EPHA6: variants seen among roughly 807,000 people sequenced by gnomAD.
EPHA6 encodes the protein ephrin type-A receptor 6.
In EPHA6, 50 loss-of-function variants were observed where a neutral mutation model predicts 112.0. The ratio of observed to expected loss-of-function variants is 0.45; its 90% CI spans 0.36 to 0.56. The LOEUF is 0.56. Among genes scored for constraint, EPHA6 ranks in the 20% least tolerant of loss-of-function variants. The pLI is 0.00. For missense variants in EPHA6, 1,280 were observed against 1,417.4 expected (o/e 0.90, Z 1.56); for synonymous variants, 529 against 490.7 (o/e 1.08, Z -1.03).
chr3:97,505,715 T>A (rs2092233128), intron 10 of EPHA6, among the ~76,000 whole-genome samples: 1 of 152,194 alleles, frequency 6.6e-6, no homozygotes. Context: ...GTAATGGGAT[T>A]GCTGGGTCAA....
chr3:97,707,706 A>G (rs1395603561), intron 14 of EPHA6, among the ~76,000 whole-genome samples: 1 of 152,102 alleles, frequency 6.6e-6, no homozygotes, highest in East Asian at 1.9e-4. Context: ...ATCCACCTCC[A>G]ATTGTTATCC....
In EPHA6 at chr3:97,179,411, A is replaced by T. The variant is rs547081231; in HGVS notation, c.1115-46853A>T. 1.3e-4 allele frequency among the ~76,000 whole-genome samples: 20 copies of T among 152,162 alleles called. No homozygotes were observed. In the South Asian group the frequency reaches 2.3e-3, roughly 17 times the overall value. On this transcript the variant is annotated intron_variant, in intron 3 of 17. Coordinates refer to ENST00000389672, the MANE Select transcript of EPHA6 (RefSeq NM_001080448.3). ...TGATGAGGTCATGGTTTCCTGGTTGATGCTAATGCTAGTAGCTGTTCTTTG... is the reference window on the plus strand; with the variant it reads ...TGATGAGGTCATGGTTTCCTGGTTGTTGCTAATGCTAGTAGCTGTTCTTTG...
intron 3 of EPHA6, among the ~76,000 whole-genome samples, chr3:97,001,504 T>A (rs2043662676): frequency 1.3e-5 from 2 of 151,934 alleles, no homozygotes; most frequent in South Asian, 4.1e-4. Flanking sequence ...TGTACTCAGT[T>A]TTTTCCTTCC....
chr3:97,131,270 A>G (rs763605765), intron 3 of EPHA6, among the ~76,000 whole-genome samples: 3 of 152,086 alleles, frequency 2.0e-5, no homozygotes, highest in African/African-American at 4.8e-5. Context: ...TAATATATGC[A>G]TGGGTTCATA....
In EPHA6 at chr3:96,987,932, G is replaced by A; in HGVS notation, c.1053G>A (p.Leu351=). ...KLYCGADGDW[L]VPLGRCICST... The stretch of plus-strand genomic sequence containing the variant: ...ATTGTGGAGCTGATGGAGATTGGCT[G>A]GTTCCTCTTGGAAGGTGCATCTGCA... The change falls in exon 3 of 18, where the codon CTG becomes CTA. Residue 351 remains leucine (L), a synonymous_variant. Coordinates refer to ENST00000389672, the MANE Select transcript of EPHA6 (RefSeq NM_001080448.3). 1 of 1,613,626 alleles carries A rather than the reference G, an allele frequency of 6.2e-7. No homozygotes were observed. Among genetic ancestry groups the A allele is most frequent in the Non-Finnish European group, 8.5e-7 (1 of 1,179,688 alleles).
chr3:97,249,941 A>G (rs552094937), intron 5 of EPHA6, among the ~76,000 whole-genome samples: 237 of 152,318 alleles, frequency 1.6e-3, no homozygotes, highest in Middle Eastern at 3.4e-3. Flanking sequence ...ATTATACTTT[A>G]GTGTTAAAAA....
At chr3:97,579,347 A>G (rs1435263983) in intron 11 of EPHA6, among the ~76,000 whole-genome samples, 1 of 152,216 alleles carries the variant, frequency 6.6e-6, no homozygotes, top group Non-Finnish European at 1.5e-5. Flanking sequence ...ATACTCAGTT[A>G]AGACACATTC....
chr3:97,216,841 T>C (rs2078047831), intron 3 of EPHA6, among the ~76,000 whole-genome samples: 1 of 152,204 alleles, frequency 6.6e-6, no homozygotes, highest in Admixed American at 6.5e-5. Flanking sequence ...AAACTAGATA[T>C]AGTAGATAGG....
rs1018311541 is a variant in EPHA6 at position 97,098,323 on chromosome 3, T to C, written c.1114+110330T>C. On this transcript the variant is annotated intron_variant, in intron 3 of 17. Transcript: ENST00000389672. ...TTTTGTGTCTGATTATTTTAAATTA[T>C]TTGCATATTATTCAATTTCCAGGAC... 2.0e-5 allele frequency among the ~76,000 whole-genome samples: 3 copies of C among 151,912 alleles called. No homozygotes were observed. In the East Asian group the frequency reaches 5.8e-4, roughly 29 times the overall value.
chr3:97,211,115 G>A (rs1473313774), intron 3 of EPHA6, among the ~76,000 whole-genome samples: 1 of 152,174 alleles, frequency 6.6e-6, no homozygotes, highest in Non-Finnish European at 1.5e-5. Context: ...ATAGTCACAA[G>A]CACACTGATT....
chr3:97,512,461 C>T (rs80259390), intron 10 of EPHA6, among the ~76,000 whole-genome samples: 2,789 of 152,024 alleles, frequency 0.018, 102 homozygotes, highest in African/African-American at 0.064. Context: ...TGGAAAGATG[C>T]CTTTTCTCTT....
In EPHA6 at chr3:97,209,563, T is replaced by C. The variant is rs140052595; in HGVS notation, c.1115-16701T>C. On this transcript the variant is annotated intron_variant, in intron 3 of 17. Transcript: ENST00000389672. ...TACTGGATGAAAATTGTGATTATTG[T>C]ATTGATTGCCAGCATGATTAATAAC... Among the ~76,000 whole-genome samples the C allele has an allele frequency of 3.2e-3, 480 of 152,320 alleles. 1 individual carries two copies. Among genetic ancestry groups the C allele is most frequent in the African/African-American group, 0.011 (443 of 41,580 alleles).
intron 7 of EPHA6, among the ~76,000 whole-genome samples, chr3:97,467,754 C>G (rs576640046): frequency 6.6e-6 from 1 of 151,526 alleles, no homozygotes; most frequent in African/African-American, 2.4e-5. Context: ...GGATGTTGAC[C>G]GTAGTTTCAG....
Position 97,195,361 on chromosome 3 carries a change from A to G in EPHA6, c.1115-30903A>G, listed in dbSNP as rs145714288. Among the ~76,000 whole-genome samples, 915 of 151,312 alleles carry G rather than the reference A, an allele frequency of 6.0e-3. 7 individuals are homozygous for G. The highest frequency in any genetic ancestry group is 9.9e-3 in the Non-Finnish European group (674 of 67,838). ...TGCAAAAACAAGCAAACAAGCAAAGAGAAGATTAATAAAGACCCTTTATTT... is the reference window on the plus strand; with the variant it reads ...TGCAAAAACAAGCAAACAAGCAAAGGGAAGATTAATAAAGACCCTTTATTT... On this transcript the variant is annotated intron_variant, in intron 3 of 17. Transcript: ENST00000389672.
At chr3:97,587,236 G>T (rs1401097738) in intron 11 of EPHA6, among the ~76,000 whole-genome samples, 1 of 149,546 alleles carries the variant, frequency 6.7e-6, no homozygotes, top group Admixed American at 6.6e-5. Context: ...ATGAGACTCC[G>T]TCTCAAAAAA....
chr3:96,922,056 A>G (rs1576040793), intron 2 of EPHA6, among the ~76,000 whole-genome samples: 2 of 152,096 alleles, frequency 1.3e-5, no homozygotes, highest in African/African-American at 4.8e-5. Context: ...GAGAGAGAAA[A>G]AGAGAATGCC....
At position 97,506,121 on chromosome 3, in the gene EPHA6, C is replaced by A. The variant is rs929497835; in HGVS notation, c.2200+22062C>A. Among the ~76,000 whole-genome samples the A allele has an allele frequency of 2.0e-5, 3 of 152,154 alleles. No individual in the cohort carries two copies. The South Asian group carries it at 6.2e-4, about 32-fold the overall frequency. On this transcript the variant is annotated intron_variant, in intron 10 of 17. Transcript: ENST00000389672. ...TGGATAGATTGCAAAAATTTTCTCCCATTCCATAGGTTGCCTGTTCACTCT... is the reference window on the plus strand; with the variant it reads ...TGGATAGATTGCAAAAATTTTCTCCAATTCCATAGGTTGCCTGTTCACTCT...
intron 3 of EPHA6, among the ~76,000 whole-genome samples, chr3:97,213,608 G>A (rs1036514653): frequency 2.6e-5 from 4 of 152,150 alleles, no homozygotes; most frequent in African/African-American, 7.2e-5. Context: ...GGGCAGGAGA[G>A]GGTTGAGTGG....
intron 5 of EPHA6, among the ~76,000 whole-genome samples, chr3:97,401,114 G>T (rs368080914): frequency 6.6e-6 from 1 of 151,738 alleles, no homozygotes; most frequent in Non-Finnish European, 1.5e-5. Flanking sequence ...TTTGTAGAAA[G>T]TCTATATAAT....
Sources: allele counts gnomAD v4.1 joint callset (sites outside exome capture counted in the v4.1 genomes callset), GRCh38; gene constraint gnomAD v4.1.1; transcripts MANE v1.5; gene names NCBI Gene and HGNC (gene_info 2026-07-23, HGNC 2026-07-21).